The following FCHO1 variants were observed in gnomAD, a reference collection of about 807,000 sequenced individuals.
FCHO1 encodes the protein F-BAR domain only protein 1.
Under a neutral mutation model 114.4 loss-of-function variants are expected in FCHO1, and 45 were observed. The ratio of observed to expected loss-of-function variants is 0.39; its 90% confidence interval spans 0.31 to 0.50. The LOEUF is 0.50. FCHO1 is among the 20% of genes least tolerant of loss of function. The pLI is 0.77. For synonymous variants in FCHO1, 480 were observed against 488.9 expected (o/e 0.98, Z 0.24); for missense variants, 1,042 against 1,209.6 (o/e 0.86, Z 2.06).
Position 17,784,946 on chromosome 19 carries a change from A to G in FCHO1, c.2426+22A>G, listed in dbSNP as rs764723340. The stretch of plus-strand genomic sequence containing the variant: ...CCTGGTGAGGGCTTGCGGGAGGCCA[A>G]GGAAAACTCAGCAGTTTCCCCCATA... On this transcript the variant is annotated intron_variant, in intron 26 of 28. Transcript: ENST00000596536. This position sits in a 1 kb window ranked among gnomAD's most constrained non-coding sequence, Gnocchi z 5.3. 4.3e-5 allele frequency: 69 copies of G among 1,604,316 alleles called. No individual in the cohort carries two copies. The South Asian group carries it at 5.9e-4, about 14-fold the overall frequency.
intron 4 of FCHO1, among the ~76,000 whole-genome samples, chr19:17,762,310 A>G (rs1394248260): frequency 5.3e-5 from 8 of 150,316 alleles, no homozygotes; most frequent in African/African-American, 2.0e-4. Context: ...TTTTTTTTAA[A>G]TATAAAAGCC....
Position 17,778,538 on chromosome 19 carries a change from G to C in FCHO1, c.1352-71G>C. The C allele has an allele frequency of 2.8e-6, 4 of 1,449,986 alleles. No individual in the cohort carries two copies. In the South Asian group the frequency reaches 4.2e-5, roughly 15 times the overall value. 89.8% of individuals were successfully genotyped at this position (1,449,986 alleles called of 1,614,324 possible). ...CTGACCTTCCCTCGACGTGGCCGTG[G>C]CCTGCAGGAGGATGGGCAGGGACTC... On this transcript the variant is annotated intron_variant, in intron 19 of 28. Transcript: ENST00000596536.
chr19:17,772,650 T>C lies in FCHO1; in HGVS notation c.699T>C (p.His233=). 1 of 1,613,730 alleles carries C rather than the reference T, an allele frequency of 6.2e-7. No individual in the cohort carries two copies. The highest frequency in any genetic ancestry group is 1.3e-5 in the African/African-American group (1 of 74,908). Residue 233 remains histidine, a synonymous_variant, in exon 11 of 29, where the codon CAT becomes CAC. Coordinates refer to ENST00000596536, the MANE Select transcript of FCHO1 (RefSeq NM_015122.3). The part of the protein sequence containing the change: ...EDTHVQIGQV[H]EEFKQNIENV... ...ACCCCGCCCACCCGGCACAGGTGCATGAGGAATTTAAGCAGAACATCGAGA... is the reference window on the plus strand; with the variant it reads ...ACCCCGCCCACCCGGCACAGGTGCACGAGGAATTTAAGCAGAACATCGAGA...
intron 26 of FCHO1, 129 bp from the exon 27 acceptor site, chr19:17,786,445 T>G: frequency 2.4e-5 from 20 of 834,396 alleles, no homozygotes; most frequent in Non-Finnish European, 3.6e-5. Context: ...ATTTCACAGA[T>G]GAGGAAATTG....
At chr19:17,773,876 A>G (rs1367273089) in intron 11 of FCHO1, among the ~76,000 whole-genome samples, 1 of 145,992 alleles carries the variant, frequency 6.8e-6, no homozygotes, top group Non-Finnish European at 1.5e-5. Flanking sequence ...CCCACCCTCA[A>G]TTTAGTTTCT....
At chr19:17,773,818 G>A (rs2092151025) in intron 11 of FCHO1, among the ~76,000 whole-genome samples, 1 of 151,978 alleles carries the variant, frequency 6.6e-6, no homozygotes, top group Admixed American at 6.6e-5. Flanking sequence ...TCAGATCCAG[G>A]TGCCATTTTG....
rs34490038 is a variant in FCHO1 at position 17,769,274 on chromosome 19, C to CAA, written c.337-1132_337-1131dup. Among the ~76,000 whole-genome samples the CAA allele has an allele frequency of 2.3e-3, 121 of 51,742 alleles. 8 individuals are homozygous for CAA. Among genetic ancestry groups the CAA allele is most frequent in the Non-Finnish European group, 3.2e-3 (99 of 31,414 alleles). The allele number at this position is 51,742 out of a possible 152,430, so 33.9% of individuals were successfully genotyped here. ...TGGGTGAAAGAGCAAGACTCCGCCT[C>CAA]AAAAAAAAAAAAAAAAAAAAGGCCT... On this transcript the variant is annotated intron_variant, in intron 7 of 28. Transcript: ENST00000596536.
chr19:17,771,915 T>C (rs902391715), intron 9 of FCHO1, among the ~76,000 whole-genome samples: 2 of 151,908 alleles, frequency 1.3e-5, no homozygotes, highest in Non-Finnish European at 2.9e-5. Flanking sequence ...TGGGCTCAAG[T>C]GATTCTCCTG....
upstream of FCHO1, among the ~76,000 whole-genome samples, chr19:17,748,960 G>A (rs1011731553): frequency 2.0e-5 from 3 of 152,208 alleles, no homozygotes; most frequent in African/African-American, 7.2e-5. Flanking sequence ...CTCAGCCTCA[G>A]TTTACTGCAC....
At chr19:17,766,638 G>C in intron 6 of FCHO1, 31 bp from the exon 7 acceptor site, 3 of 1,613,126 alleles carry the variant, frequency 1.9e-6, no homozygotes, top group Non-Finnish European at 2.5e-6. Flanking sequence ...TGAGCCTGAT[G>C]AACCCTGGGT....
chr19:17,787,617 T>G, intron 27 of FCHO1, 65 bp from the exon 28 acceptor site: 7 of 1,487,664 alleles, frequency 4.7e-6, no homozygotes, highest in Non-Finnish European at 6.3e-6. Flanking sequence ...GGGCCAAAGA[T>G]GAGCCTGGTT....
At position 17,776,946 on chromosome 19, in the gene FCHO1, C is replaced by T. The variant is rs1284069880; in HGVS notation, c.1259+260C>T. 6.6e-6 allele frequency among the ~76,000 whole-genome samples: 1 copy of T among 151,924 alleles called. No individual in the cohort carries two copies. Among genetic ancestry groups the T allele is most frequent in the East Asian group, 2.0e-4 (1 of 5,124 alleles). On this transcript the variant is annotated intron_variant, in intron 18 of 28. Transcript: ENST00000596536. The surrounding 1 kb of genome is among the most constrained non-coding windows in gnomAD (Gnocchi z 4.4). Reference sequence around the variant, plus strand: ...CTAAGTAGCTGAGATTACAGGCACCCACCACCACGCCCAGCTAACTTTTGT... The same window carrying T: ...CTAAGTAGCTGAGATTACAGGCACCTACCACCACGCCCAGCTAACTTTTGT...
intron 1 of FCHO1, among the ~76,000 whole-genome samples, chr19:17,752,915 A>C (rs1392010139): frequency 6.6e-6 from 1 of 151,928 alleles, no homozygotes; most frequent in Non-Finnish European, 1.5e-5. Flanking sequence ...AAAAAATAAA[A>C]AAATAAAAAA....
chr19:17,756,003 T>C (rs960048947), intron 4 of FCHO1, among the ~76,000 whole-genome samples: 3 of 152,114 alleles, frequency 2.0e-5, no homozygotes, highest in Admixed American at 6.5e-5. Flanking sequence ...CCACAGAGGA[T>C]GGGTGAACAG....
rs554339740 is a variant in FCHO1 at position 17,775,329 on chromosome 19, T to C, written c.946-127T>C. 2.0e-6 allele frequency: 2 copies of C among 984,846 alleles called. No individual in the cohort carries two copies. Among genetic ancestry groups the C allele is most frequent in the East Asian group, 4.8e-5 (2 of 41,784 alleles). The allele number at this position is 984,846 out of a possible 1,614,324, so 61.0% of individuals were successfully genotyped here. ...CCCACACACCCAGGGAAGACAGTCGTTGCCATCAGGGTTGGTTTTGAGGTC... is the reference window on the plus strand; with the variant it reads ...CCCACACACCCAGGGAAGACAGTCGCTGCCATCAGGGTTGGTTTTGAGGTC... On this transcript the variant is annotated intron_variant, in intron 14 of 28. Coordinates refer to ENST00000596536, the MANE Select transcript of FCHO1 (RefSeq NM_015122.3). This position sits in a 1 kb window ranked among gnomAD's most constrained non-coding sequence, Gnocchi z 5.1.
rs151024237 is a variant in FCHO1 at position 17,777,067 on chromosome 19, G to A, written c.1259+381G>A. Among the ~76,000 whole-genome samples, 70 of 151,900 alleles carry A rather than the reference G, an allele frequency of 4.6e-4. No individual in the cohort carries two copies. In the East Asian group the frequency reaches 0.013, roughly 29 times the overall value. On this transcript the variant is annotated intron_variant, in intron 18 of 28. Coordinates refer to ENST00000596536, the MANE Select transcript of FCHO1 (RefSeq NM_015122.3). Reference sequence around the variant, plus strand: ...CCCACCTCGGCTTGCCAAAGTGCTGGGATTACAGGCATGAGCCCTTGTGCC... The same window carrying A: ...CCCACCTCGGCTTGCCAAAGTGCTGAGATTACAGGCATGAGCCCTTGTGCC...
At chr19:17,765,612 G>A (rs2088630400) in intron 6 of FCHO1, among the ~76,000 whole-genome samples, 1 of 151,966 alleles carries the variant, frequency 6.6e-6, no homozygotes, top group Non-Finnish European at 1.5e-5. Context: ...GATGGAGGCT[G>A]CAGTGAGCCA....
intron 1 of FCHO1, chr19:17,752,549 T>C (rs2082253002): frequency 6.6e-6 from 1 of 151,810 alleles, no homozygotes; most frequent in Non-Finnish European, 1.5e-5. Context: ...CGTGAGCCAC[T>C]GCGCCCAGCC....
chr19:17,763,758 T>C (rs892494930), intron 5 of FCHO1, among the ~76,000 whole-genome samples: 10 of 151,708 alleles, frequency 6.6e-5, no homozygotes, highest in Admixed American at 4.6e-4. Context: ...AGAAGGAGTC[T>C]CATTATATTG....
Sources: gnomAD v4.1 joint callset for allele counts (sites outside exome capture counted in the v4.1 genomes callset) on GRCh38, gnomAD v4.1.1 for gene constraint, Gnocchi (gnomAD v3.1) non-coding constraint, MANE v1.5 for transcripts, NCBI Gene and HGNC (gene_info 2026-07-23, HGNC 2026-07-21) for gene names.